The following DPYD variants were observed in gnomAD, a reference collection of about 807,000 sequenced individuals.
The protein encoded by DPYD is dihydropyrimidine dehydrogenase [NADP(+)].
A neutral mutation model predicts 116.2 loss-of-function variants in DPYD; 109 were observed. The observed-to-expected ratio is 0.94, with a 90% CI of 0.80 to 1.10. The LOEUF (loss-of-function observed/expected upper bound fraction) is 1.10. Among genes scored for constraint, DPYD ranks in the 50% least tolerant of loss-of-function variants. The pLI is 0.00. For synonymous variants in DPYD, 440 were observed against 432.0 expected (o/e 1.02, Z -0.23); for missense variants, 1,302 against 1,254.5 (o/e 1.04, Z -0.57).
chr1:97,109,053 G>C (rs1239177048), intron 20 of DPYD, among the ~76,000 whole-genome samples: 1 of 152,100 alleles, frequency 6.6e-6, no homozygotes, highest in Non-Finnish European at 1.5e-5. Context: ...CCCTCTGTAA[G>C]CCTCAATTTT....
At chr1:97,745,569 G>A (rs1175846202) in intron 3 of DPYD, among the ~76,000 whole-genome samples, 1 of 151,962 alleles carries the variant, frequency 6.6e-6, no homozygotes, top group Non-Finnish European at 1.5e-5. Context: ...GGGATTATTG[G>A]TTTTACCATA....
At chr1:97,830,207 A>G (rs1464035290) in intron 2 of DPYD, among the ~76,000 whole-genome samples, 1 of 152,196 alleles carries the variant, frequency 6.6e-6, no homozygotes, top group Non-Finnish European at 1.5e-5. Flanking sequence ...CTCAATAAAC[A>G]TATGTGTGTA....
intron 20 of DPYD, among the ~76,000 whole-genome samples, chr1:97,105,406 T>C (rs886405312): frequency 1.3e-5 from 2 of 152,100 alleles, no homozygotes; most frequent in Non-Finnish European, 2.9e-5. Context: ...GATGTTTGCA[T>C]TGCTCCAATC....
At chr1:97,305,122 A>G (rs966735497) in intron 18 of DPYD, 137 bp downstream of exon 18, 37 of 1,284,394 alleles carry the variant, frequency 2.9e-5, no homozygotes, top group African/African-American at 1.6e-4. Flanking sequence ...CCGTTCTGTC[A>G]TAACTATTAG....
intron 3 of DPYD, chr1:97,774,951 T>C: frequency 2.9e-6 from 1 of 342,700 alleles, no homozygotes; most frequent in Non-Finnish European, 6.1e-6. Flanking sequence ...TCCTCAAAGG[T>C]CACCTCACTG....
chr1:97,363,872 G>T (rs1670881168), intron 16 of DPYD, among the ~76,000 whole-genome samples: 1 of 152,162 alleles, frequency 6.6e-6, no homozygotes, highest in Admixed American at 6.5e-5. Context: ...GATGGGTGCA[G>T]CAAACCAACA....
chr1:97,223,764 A>T (rs1383656909), intron 19 of DPYD, among the ~76,000 whole-genome samples: 1 of 152,116 alleles, frequency 6.6e-6, no homozygotes, highest in Non-Finnish European at 1.5e-5. Context: ...TACAGGACTC[A>T]TTGGGAAGAT....
intron 19 of DPYD, among the ~76,000 whole-genome samples, chr1:97,214,998 C>T (rs1352580065): frequency 1.3e-5 from 2 of 152,214 alleles, no homozygotes; most frequent in South Asian, 2.1e-4. Context: ...GAGGGCTGTA[C>T]ATTTTATTTT....
chr1:97,795,505 CAT>C (rs1248431701), intron 3 of DPYD, among the ~76,000 whole-genome samples: 1 of 151,940 alleles, frequency 6.6e-6, no homozygotes, highest in African/African-American at 2.4e-5. Context: ...AGCAAAATAA[CAT>C]AGAATGGAGA....
At chr1:97,535,725 AC>A (rs1445207770) in intron 12 of DPYD, among the ~76,000 whole-genome samples, 1 of 152,292 alleles carries the variant, frequency 6.6e-6, no homozygotes, top group East Asian at 1.9e-4. Context: ...TTTCTCTATC[AC>A]CAACTAGACA....
chr1:97,868,091 A>G (rs985452099), intron 2 of DPYD, among the ~76,000 whole-genome samples: 1 of 151,884 alleles, frequency 6.6e-6, no homozygotes, highest in Admixed American at 6.6e-5. Flanking sequence ...CCACCCAAAA[A>G]AAAAAGAAAT....
At position 97,440,588 on chromosome 1, in the gene DPYD, T is replaced by C. The variant is rs371967993; in HGVS notation, c.1905+9471A>G. Among the ~76,000 whole-genome samples, 89 of 152,284 alleles carry C rather than the reference T, an allele frequency of 5.8e-4. 1 individual carries two copies. The highest frequency in any genetic ancestry group is 1.0e-3 in the Non-Finnish European group (68 of 68,004). Reference sequence around the variant, plus strand: ...ATTATAAAAGCCTACCTCCAAGTAATAGAAAAATTTACAAAAGGTGTTAGA... The same window carrying C: ...ATTATAAAAGCCTACCTCCAAGTAACAGAAAAATTTACAAAAGGTGTTAGA... On this transcript the variant is annotated intron_variant, in intron 14 of 22. Coordinates refer to ENST00000370192, the MANE Select transcript of DPYD (RefSeq NM_000110.4).
intron 20 of DPYD, among the ~76,000 whole-genome samples, chr1:97,134,074 T>A (rs1653598531): frequency 3.2e-5 from 4 of 124,460 alleles, no homozygotes; most frequent in Non-Finnish European, 3.3e-5. Flanking sequence ...TATATTCTAA[T>A]TATATTAGGT....
In DPYD at chr1:97,708,351, T is replaced by G. The variant is rs371835347; in HGVS notation, c.484-8804A>C. ...ATGGGTGTAAGGTTTGTTTCTAGATTCACTTTTTTACATATGGAAGTAGGG... is the reference window on the plus strand; with the variant it reads ...ATGGGTGTAAGGTTTGTTTCTAGATGCACTTTTTTACATATGGAAGTAGGG... On this transcript the variant is annotated intron_variant, in intron 5 of 22. Coordinates refer to ENST00000370192, the MANE Select transcript of DPYD (RefSeq NM_000110.4). 2.1e-4 allele frequency among the ~76,000 whole-genome samples: 32 copies of G among 152,214 alleles called. No homozygotes were observed. The East Asian group carries it at 4.6e-3, about 22-fold the overall frequency.
chr1:97,814,511 G>C (rs959679371), intron 3 of DPYD, among the ~76,000 whole-genome samples: 1 of 152,120 alleles, frequency 6.6e-6, no homozygotes, highest in African/African-American at 2.4e-5. Context: ...CAGATTCCAA[G>C]GATATAGCTT....
chr1:97,593,092 T>G, intron 10 of DPYD, 126 bp downstream of exon 10: 1 of 1,105,088 alleles, frequency 9.0e-7, no homozygotes, highest in Non-Finnish European at 1.3e-6. Context: ...AACAATTATG[T>G]GTAGCCCTGA....
chr1:97,517,833 A>G (rs888334586), intron 12 of DPYD, among the ~76,000 whole-genome samples: 1 of 152,106 alleles, frequency 6.6e-6, no homozygotes, highest in Non-Finnish European at 1.5e-5. Flanking sequence ...ATATGGTCCC[A>G]TGTGTCTGTA....
intron 2 of DPYD, 94 bp downstream of exon 2, chr1:97,883,170 T>C: frequency 1.2e-6 from 1 of 800,934 alleles, no homozygotes; most frequent in Non-Finnish European, 2.1e-6. Context: ...GGCTGTACTT[T>C]AATACCTTAT....
chr1:97,195,963 G>C (rs745307715), intron 19 of DPYD, among the ~76,000 whole-genome samples: 1 of 151,688 alleles, frequency 6.6e-6, no homozygotes, highest in African/African-American at 2.4e-5. Context: ...AGTAGATGCC[G>C]GTTTTTTTGG....
Sources: allele counts gnomAD v4.1 joint callset (sites outside exome capture counted in the v4.1 genomes callset), GRCh38; gene constraint gnomAD v4.1.1; transcripts MANE v1.5; gene names NCBI Gene and HGNC (gene_info 2026-07-23, HGNC 2026-07-21).